Variants in GABARAPL1 observed in about 807,000 individuals in gnomAD.
GABARAPL1 encodes gamma-aminobutyric acid receptor-associated protein-like 1.
A neutral mutation model predicts 14.5 loss-of-function variants in GABARAPL1; 4 were observed. That is an observed-to-expected ratio of 0.28 (90% confidence interval 0.14 to 0.63). GABARAPL1 has a LOEUF of 0.63. Among genes scored for constraint, GABARAPL1 ranks in the 30% least tolerant of loss-of-function variants. The pLI is 0.84. For synonymous variants in GABARAPL1, 47 were observed against 50.6 expected (o/e 0.93, Z 0.30); for missense variants, 82 against 139.2 (o/e 0.59, Z 2.07).
intron 1 of GABARAPL1, chr12:10,213,734 A>C (rs1208605345): frequency 2.6e-6 from 1 of 390,506 alleles, no homozygotes; most frequent in Non-Finnish European, 5.2e-6. Context: ...CTATTCAGTA[A>C]TTTTCTTGCA....
chr12:10,213,266 G>A, intron 1 of GABARAPL1, 47 bp downstream of exon 1: 1 of 1,222,818 alleles, frequency 8.2e-7, no homozygotes, highest in East Asian at 2.5e-5. Flanking sequence ...GGCCCGCGGG[G>A]GCGGGGGCGG....
At chr12:10,221,691 C>T in intron 3 of GABARAPL1, 96 bp from the exon 4 acceptor site, 1 of 1,380,670 alleles carries the variant, frequency 7.2e-7, no homozygotes, top group Non-Finnish European at 1.0e-6. Flanking sequence ...CTAATGATAC[C>T]TTCCATACCT....
At chr12:10,218,714 A>T (rs1224798628) in intron 2 of GABARAPL1, among the ~76,000 whole-genome samples, 1 of 151,416 alleles carries the variant, frequency 6.6e-6, no homozygotes, top group African/African-American at 2.4e-5. Context: ...TAATTAATTA[A>T]TATTATTATT....
At position 10,220,515 on chromosome 12, in the gene GABARAPL1, A is replaced by C. The variant is rs747386008; in HGVS notation, c.245A>C (p.Asn82Thr). 10 of 1,613,816 alleles carry C rather than the reference A, an allele frequency of 6.2e-6. No homozygotes were observed. Among genetic ancestry groups the C allele is most frequent in the East Asian group, 2.2e-5 (1 of 44,888 alleles). The change falls in exon 3 of 4, where the codon AAC becomes ACC. Residue 82 changes from asparagine to threonine, a missense_variant. Coordinates refer to ENST00000266458, the MANE Select transcript of GABARAPL1 (RefSeq NM_031412.4). The stretch of plus-strand genomic sequence containing the variant: ...GACGCCTTATTCTTCTTTGTCAACA[A>C]CACCATCCCTCCCACCAGTGCTACC... The part of the protein sequence containing the change: ...PEDALFFFVN[N>T]TIPPTSATMG...
At position 10,219,788 on chromosome 12, in the gene GABARAPL1, T is replaced by A. The variant is rs367983193; in HGVS notation, c.170-652T>A. Reference sequence around the variant, plus strand: ...TGCGCTTTCAGCCTGGGTGACAGAGTAGAACTCTGTCTCGGAAAAAAAAAA... The same window carrying A: ...TGCGCTTTCAGCCTGGGTGACAGAGAAGAACTCTGTCTCGGAAAAAAAAAA... On this transcript the variant is annotated intron_variant, in intron 2 of 3. Transcript: ENST00000266458. 1.3e-4 allele frequency among the ~76,000 whole-genome samples: 20 copies of A among 151,152 alleles called. No individual in the cohort carries two copies. The South Asian group carries it at 4.2e-3, about 31-fold the overall frequency.
In GABARAPL1 at chr12:10,219,267, C is replaced by T. The variant is rs192590801; in HGVS notation, c.169+1126C>T. On this transcript the variant is annotated intron_variant, in intron 2 of 3. Transcript: ENST00000266458. ...CTGGGAGGCAGAGGTTGCAGTGAGC[C>T]GAGATCGCACCACTGCACTCCAGGC... Among the ~76,000 whole-genome samples the T allele has an allele frequency of 2.1e-4, 32 of 150,534 alleles. 1 individual carries two copies. The East Asian group carries it at 5.9e-3, about 28-fold the overall frequency.
rs1011254577 is a variant in GABARAPL1 at position 10,221,265 on chromosome 12, A to G, written c.289-522A>G. On this transcript the variant is annotated intron_variant, in intron 3 of 3. Transcript: ENST00000266458. ...ACTCAGGAGGAATAATTTTTATGTG[A>G]TGTGGTTTAATTGGAAGTGTCAGAA... is the stretch of plus-strand genomic sequence containing the variant. 4.1e-6 allele frequency: 4 copies of G among 972,094 alleles called. No homozygotes were observed. The African/African-American group carries it at 5.3e-5, about 13-fold the overall frequency. 60.2% of individuals were successfully genotyped at this position (972,094 alleles called of 1,614,324 possible).
chr12:10,223,110 T>C lies in GABARAPL1; in HGVS notation c.*1258T>C, dbSNP rs1949127903. 6.6e-6 allele frequency: 1 copy of C among 152,590 alleles called. No homozygotes were observed. Among genetic ancestry groups the C allele is most frequent in the East Asian group, 1.9e-4 (1 of 5,204 alleles). 9.5% of individuals were successfully genotyped at this position (152,590 alleles called of 1,614,324 possible). ...ATGCCATCAGGCCAAGGAAATAAAA[T>C]AATTGCTTACCTTAAAAATCCACTG... On this transcript the variant is annotated 3_prime_UTR_variant, in exon 4 of 4. Coordinates refer to ENST00000266458, the MANE Select transcript of GABARAPL1 (RefSeq NM_031412.4).
intron 1 of GABARAPL1, among the ~76,000 whole-genome samples, chr12:10,217,827 C>G (rs1026954582): frequency 6.6e-6 from 1 of 152,060 alleles, no homozygotes; most frequent in African/African-American, 2.4e-5. Flanking sequence ...GTTCTTTTTA[C>G]TTTTCATCAT....
chr12:10,218,572 C>G (rs867337221), intron 2 of GABARAPL1, among the ~76,000 whole-genome samples: 1 of 151,960 alleles, frequency 6.6e-6, no homozygotes, highest in Non-Finnish European at 1.5e-5. Flanking sequence ...GACTCGGTCT[C>G]AAAAACAAGA....
At chr12:10,216,750 G>A (rs1949092470) in intron 1 of GABARAPL1, among the ~76,000 whole-genome samples, 2 of 151,362 alleles carry the variant, frequency 1.3e-5, no homozygotes, top group African/African-American at 2.4e-5. Flanking sequence ...ATGTTGGTCA[G>A]GCTGGTCTCG....
intron 1 of GABARAPL1, chr12:10,213,917 T>C (rs1310410512): frequency 6.6e-6 from 3 of 454,656 alleles, no homozygotes; most frequent in Non-Finnish European, 1.3e-5. Flanking sequence ...AAGGCAGGAC[T>C]GAGACGTTTT....
chr12:10,219,749 C>T (rs1021534556), intron 2 of GABARAPL1, among the ~76,000 whole-genome samples: 1 of 151,944 alleles, frequency 6.6e-6, no homozygotes, highest in African/African-American at 2.4e-5. Context: ...TGCAGTGAGC[C>T]GAGATTTCGC....
At chr12:10,213,881 C>T (rs964829030) in intron 1 of GABARAPL1, 3 of 455,884 alleles carry the variant, frequency 6.6e-6, no homozygotes. Context: ...GTGTTGATTT[C>T]TGATCACCTG....
Position 10,222,306 on chromosome 12 carries a change from G to C in GABARAPL1, c.*454G>C, listed in dbSNP as rs1235881001. The stretch of plus-strand genomic sequence containing the variant: ...ACTTGTGGTAGTGGACCATACCTGG[G>C]GACCAAAAGAGACCCACTGTAATTG... On this transcript the variant is annotated 3_prime_UTR_variant, in exon 4 of 4. Transcript: ENST00000266458. The C allele has an allele frequency of 1.1e-5, 2 of 174,920 alleles. No individual in the cohort carries two copies. Among genetic ancestry groups the C allele is most frequent in the Non-Finnish European group, 2.5e-5 (2 of 80,606 alleles). The allele number at this position is 174,920 out of a possible 1,614,324, so 10.8% of individuals were successfully genotyped here.
Position 10,220,938 on chromosome 12 carries a change from G to C in GABARAPL1, c.288+380G>C, listed in dbSNP as rs900557994. ...TAATTTGTAATGCATTCAGAATCCAGTTCATTATTTTACTCCCATTTAGCA... is the reference window on the plus strand; with the variant it reads ...TAATTTGTAATGCATTCAGAATCCACTTCATTATTTTACTCCCATTTAGCA... On this transcript the variant is annotated intron_variant, in intron 3 of 3. Coordinates refer to ENST00000266458, the MANE Select transcript of GABARAPL1 (RefSeq NM_031412.4). The C allele has an allele frequency of 6.9e-6, 9 of 1,308,142 alleles. No homozygotes were observed. In the African/African-American group the frequency reaches 1.2e-4, roughly 17 times the overall value. 81.0% of individuals were successfully genotyped at this position (1,308,142 alleles called of 1,614,324 possible). A position where few individuals can be genotyped will look rare whatever the true frequency, so the allele number is the denominator to read the frequency against.
At chr12:10,215,349 G>A (rs11835087) in intron 1 of GABARAPL1, among the ~76,000 whole-genome samples, 1 of 152,318 alleles carries the variant, frequency 6.6e-6, no homozygotes, top group South Asian at 2.1e-4. Flanking sequence ...CTTCAGAGAG[G>A]AAGGGTTGGT....
chr12:10,218,137 T>A lies in GABARAPL1; in HGVS notation c.165T>A (p.Leu55=), dbSNP rs1227290103. The A allele has an allele frequency of 7.5e-6, 12 of 1,595,916 alleles. No individual in the cohort carries two copies. The highest frequency in any genetic ancestry group is 9.5e-6 in the Non-Finnish European group (11 of 1,163,360). Residue 55 remains leucine (L), a synonymous_variant, in exon 2 of 4, where the codon CTT becomes CTA. Coordinates refer to ENST00000266458, the MANE Select transcript of GABARAPL1 (RefSeq NM_031412.4). The part of the protein sequence containing the change: ...DKRKYLVPSD[L]TVGQFYFLIR... The stretch of plus-strand genomic sequence containing the variant: ...GGAAGTACCTAGTGCCCTCTGACCT[T>A]ACTGGTAATGCTCTTTGCCTTCCCT...
chr12:10,215,898 GTTTT>G, intron 1 of GABARAPL1, among the ~76,000 whole-genome samples: 1 of 147,790 alleles, frequency 6.8e-6, no homozygotes, highest in South Asian at 2.1e-4. Context: ...TGTTTTTGTT[GTTTT>G]TTTTTTTACT....
Sources: allele counts gnomAD v4.1 joint callset (sites outside exome capture counted in the v4.1 genomes callset), GRCh38; gene constraint gnomAD v4.1.1; transcripts MANE v1.5; gene names NCBI Gene and HGNC (gene_info 2026-07-23, HGNC 2026-07-21).